The following DPYD variants were observed in gnomAD, a reference collection of about 807,000 sequenced individuals.
DPYD encodes the protein dihydropyrimidine dehydrogenase [NADP(+)].
Under a neutral mutation model 116.2 loss-of-function variants are expected in DPYD, and 109 were observed. The observed-to-expected ratio is 0.94, with a 90% confidence interval of 0.80 to 1.10. The LOEUF (loss-of-function observed/expected upper bound fraction) is 1.10, where lower values mean the gene tolerates loss of function less well. DPYD is among the 50% of genes least tolerant of loss of function. The probability of loss-of-function intolerance (pLI) is 0.00; values close to 1 mark genes in which losing one functional copy is unlikely to be tolerated. For missense variants in DPYD, 1,302 were observed against 1,254.5 expected (o/e 1.04, Z -0.57); for synonymous variants, 440 against 432.0 (o/e 1.02, Z -0.23).
chr1:97,360,602 GTC>G (rs1404608456), intron 16 of DPYD, among the ~76,000 whole-genome samples: 1 of 152,130 alleles, frequency 6.6e-6, no homozygotes, highest in Non-Finnish European at 1.5e-5. Context: ...ACAACAAACT[GTC>G]TCTCAGACCA....
At position 97,883,312 on chromosome 1, in the gene DPYD, C is replaced by A. The variant is rs2101642635; in HGVS notation, c.102G>T (p.Lys34Asn). Residue 34 changes from lysine (K) to asparagine (N), a missense_variant, in exon 2 of 23, where the codon AAG becomes AAT. Coordinates refer to ENST00000370192, the MANE Select transcript of DPYD (RefSeq NM_000110.4). ...THATLCSTSA[K>N]KLDKKHWKRN... is the part of the protein sequence containing the mutation. ...TTTTCCAATGTTTCTTGTCTAATTT[C>A]TTGGCCGAAGTGGAACACAGAGTTG... The A allele has an allele frequency of 6.2e-7, 1 of 1,612,928 alleles. No individual in the cohort carries two copies. The highest frequency in any genetic ancestry group is 1.1e-5 in the South Asian group (1 of 91,048).
chr1:97,168,376 A>G (rs1017266234), intron 20 of DPYD, among the ~76,000 whole-genome samples: 3 of 152,192 alleles, frequency 2.0e-5, no homozygotes, highest in Non-Finnish European at 4.4e-5. Context: ...TTCAAATCTC[A>G]GCTGAGCCAC....
At chr1:97,086,872 A>C (rs1182496100) in intron 21 of DPYD, among the ~76,000 whole-genome samples, 1 of 152,240 alleles carries the variant, frequency 6.6e-6, no homozygotes, top group East Asian at 1.9e-4. Context: ...GTGGGCAGTC[A>C]CTATGACTTC....
chr1:97,721,243 T>C (rs1421951556), intron 5 of DPYD, among the ~76,000 whole-genome samples: 1 of 151,732 alleles, frequency 6.6e-6, no homozygotes, highest in African/African-American at 2.4e-5. Flanking sequence ...ATAAGTTCTA[T>C]TTTCGGATCA....
At chr1:97,711,131 T>A (rs561805451) in intron 5 of DPYD, among the ~76,000 whole-genome samples, 1 of 151,984 alleles carries the variant, frequency 6.6e-6, no homozygotes, top group South Asian at 2.1e-4. Flanking sequence ...ACTTTAGGTA[T>A]GATTGTTCAT....
intron 20 of DPYD, among the ~76,000 whole-genome samples, chr1:97,145,751 T>G (rs828055): frequency 6.6e-6 from 1 of 151,128 alleles, no homozygotes; most frequent in East Asian, 2.0e-4. Flanking sequence ...GGGTTTTTTT[T>G]TTTTTTTTTG....
chr1:97,642,743 A>AG (rs1408859845), intron 8 of DPYD, among the ~76,000 whole-genome samples: 1 of 64,678 alleles, frequency 1.5e-5, no homozygotes, highest in East Asian at 5.5e-4. Context: ...GGGTGGGGGG[A>AG]GGGGGGAGGG....
chr1:97,179,714 T>C (rs533492087), intron 20 of DPYD, among the ~76,000 whole-genome samples: 1 of 152,252 alleles, frequency 6.6e-6, no homozygotes, highest in Admixed American at 6.5e-5. Flanking sequence ...TCACATTTTC[T>C]GTGCGCATTG....
chr1:97,820,791 T>C (rs1018913362), intron 3 of DPYD, among the ~76,000 whole-genome samples: 1 of 152,214 alleles, frequency 6.6e-6, no homozygotes, highest in Non-Finnish European at 1.5e-5. Context: ...AATAAAACAA[T>C]GCCTAATGGC....
At chr1:97,188,742 C>T (rs1328174635) in intron 20 of DPYD, among the ~76,000 whole-genome samples, 2 of 152,100 alleles carry the variant, frequency 1.3e-5, no homozygotes, top group Non-Finnish European at 2.9e-5. Flanking sequence ...ATTCAGCTAC[C>T]ATGCCATTAC....
At chr1:97,156,406 A>C (rs982684659) in intron 20 of DPYD, among the ~76,000 whole-genome samples, 12 of 152,114 alleles carry the variant, frequency 7.9e-5, no homozygotes, top group African/African-American at 1.9e-4. Flanking sequence ...CAATGAACTC[A>C]AACAAATTTA....
At chr1:97,899,397 T>C (rs1163837645) in intron 1 of DPYD, among the ~76,000 whole-genome samples, 1 of 151,942 alleles carries the variant, frequency 6.6e-6, no homozygotes, top group Non-Finnish European at 1.5e-5. Flanking sequence ...AACTGAAAGC[T>C]TGTGGGTGAC....
At chr1:97,719,811 A>G (rs2101022275) in intron 5 of DPYD, 1 of 984,090 alleles carries the variant, frequency 1.0e-6, no homozygotes, top group Non-Finnish European at 1.2e-6. Context: ...TGAAATTACA[A>G]TTATACAAAC....
At chr1:97,398,709 T>C (rs1198459147) in intron 14 of DPYD, among the ~76,000 whole-genome samples, 2 of 152,354 alleles carry the variant, frequency 1.3e-5, no homozygotes, top group East Asian at 1.9e-4. Flanking sequence ...ATGATGAGCA[T>C]TTTTTCATTT....
intron 20 of DPYD, among the ~76,000 whole-genome samples, chr1:97,144,030 C>T (rs1166731283): frequency 6.6e-6 from 1 of 152,142 alleles, no homozygotes; most frequent in East Asian, 1.9e-4. Context: ...CCCTGCTATG[C>T]ATCACCATGA....
chr1:97,683,452 A>G (rs559545389), intron 7 of DPYD, among the ~76,000 whole-genome samples: 1 of 151,954 alleles, frequency 6.6e-6, no homozygotes, highest in South Asian at 2.1e-4. Flanking sequence ...AAATGTATAG[A>G]AATTACAAAT....
intron 3 of DPYD, among the ~76,000 whole-genome samples, chr1:97,798,949 G>A (rs1455604843): frequency 6.6e-6 from 1 of 151,924 alleles, no homozygotes. Flanking sequence ...TGCCACTTAT[G>A]AGACTCCCAT....
At chr1:97,157,602 GATT>G (rs1655565181) in intron 20 of DPYD, among the ~76,000 whole-genome samples, 1 of 152,104 alleles carries the variant, frequency 6.6e-6, no homozygotes, top group South Asian at 2.1e-4. Flanking sequence ...GGGAAGCAAT[GATT>G]ATAAGGCATC....
intron 18 of DPYD, among the ~76,000 whole-genome samples, chr1:97,290,668 C>T (rs1666080379): frequency 2.0e-5 from 3 of 152,038 alleles, no homozygotes; most frequent in African/African-American, 4.8e-5. Context: ...TTCCTTACAC[C>T]TTATACAAAA....
Sources: allele counts gnomAD v4.1 joint callset (sites outside exome capture counted in the v4.1 genomes callset), GRCh38; gene constraint gnomAD v4.1.1; transcripts MANE v1.5; gene names NCBI Gene and HGNC (gene_info 2026-07-23, HGNC 2026-07-21).